The following MEX3B variants were observed in gnomAD, a reference collection of about 807,000 sequenced individuals.
MEX3B encodes the protein RNA-binding protein MEX3B.
MEX3B carries 10 observed loss-of-function variants against 12.2 expected under a neutral mutation model. That is an observed-to-expected ratio of 0.82 (90% CI 0.51 to 1.40). MEX3B has a LOEUF of 1.40. Among genes scored for constraint, MEX3B ranks in the 40% most tolerant of loss-of-function variants. The probability of loss-of-function intolerance (pLI) is 0.00; values close to 1 mark genes in which losing one functional copy is unlikely to be tolerated. For missense variants in MEX3B, 839 were observed against 801.4 expected (o/e 1.05, Z -0.57); for synonymous variants, 498 against 356.3 (o/e 1.40, Z -4.48).
At position 82,043,479 on chromosome 15, in the gene MEX3B, G is replaced by T; in HGVS notation, c.1391C>A (p.Pro464Gln). ...GGCGTAGGCCAGGCCTCCTCCACCC[G>T]GGTCGCTGCGCACCCGGCGAGCCAG... ...HHLARRVRSD[P>Q]GGGGLAYAAY... Residue 464 changes from proline (P) to glutamine (Q), a missense_variant, in exon 2 of 2, where the codon CCG becomes CAG. Pro to Gln is a moderately conservative substitution (Grantham distance 76). Around this residue, in one of 3 missense-constraint regions of MEX3B, gnomAD observed 573 missense variants for 488.9 expected, o/e 1.17. Coordinates refer to ENST00000329713, the MANE Select transcript of MEX3B (RefSeq NM_032246.6). The T allele has an allele frequency of 6.6e-7, 1 of 1,526,368 alleles. No individual in the cohort carries two copies. Among genetic ancestry groups the T allele is most frequent in the Middle Eastern group, 1.7e-4 (1 of 5,814 alleles). 94.6% of individuals were successfully genotyped at this position (1,526,368 alleles called of 1,614,324 possible).
chr15:82,044,747 G>T lies in MEX3B; in HGVS notation c.257-134C>A, dbSNP rs2073246002. The T allele has an allele frequency of 1.1e-6, 1 of 883,986 alleles. No individual in the cohort carries two copies. Among genetic ancestry groups the T allele is most frequent in the Non-Finnish European group, 1.8e-6 (1 of 567,370 alleles). The allele number at this position is 883,986 out of a possible 1,614,324, so 54.8% of individuals were successfully genotyped here. A position where few individuals can be genotyped will look rare whatever the true frequency, so the allele number is the denominator to read the frequency against. Reference sequence around the variant, plus strand: ...GCAGGACAAGAGATGGGCGGAAAGGGGGCGTCTCCCTCACTGACCTCGGGC... The same window carrying T: ...GCAGGACAAGAGATGGGCGGAAAGGTGGCGTCTCCCTCACTGACCTCGGGC... On this transcript the variant is annotated intron_variant, in intron 1 of 1. Coordinates refer to ENST00000329713, the MANE Select transcript of MEX3B (RefSeq NM_032246.6). This position sits in a 1 kb window ranked among gnomAD's most constrained non-coding sequence, Gnocchi z 5.3.
Position 82,043,340 on chromosome 15 carries a change from A to G in MEX3B, c.1530T>C (p.Leu510=). 6.2e-7 allele frequency: 1 copy of G among 1,600,540 alleles called. No individual in the cohort carries two copies. Among genetic ancestry groups the G allele is most frequent in the Non-Finnish European group, 8.5e-7 (1 of 1,173,250 alleles). The change falls in exon 2 of 2, where the codon CTT becomes CTC. Residue 510 remains leucine, a synonymous_variant. Transcript: ENST00000329713. ...SSSSSSSSSG[L]RRKGSRDCSV... ...AGCAGTCGCGGCTGCCTTTACGCCG[A>G]AGCCCGGAGGAAGAGGATGAAGAGC...
rs775627246 is a variant in MEX3B at position 82,043,742 on chromosome 15, G to A, written c.1128C>T (p.Ile376=). ...CCGGGGACCGCTCGAACTGGGCCCA[G>A]ATAAGTGGTGCCCCAGGTGGGGGAG... is the stretch of plus-strand genomic sequence containing the variant. The part of the protein sequence containing the change: ...APAPPPGAPL[I]WAQFERSPGG... The change falls in exon 2 of 2, where the codon ATC becomes ATT. Residue 376 remains isoleucine, a synonymous_variant. Transcript: ENST00000329713. 7 of 1,571,212 alleles carry A rather than the reference G, an allele frequency of 4.5e-6. No individual in the cohort carries two copies. The highest frequency in any genetic ancestry group is 6.0e-6 in the Non-Finnish European group (7 of 1,160,368).
rs1033918579 is a variant in MEX3B, at chr15:82,043,705, C to A, written c.1165G>T (p.Ala389Ser). 3.8e-6 allele frequency: 6 copies of A among 1,596,842 alleles called. No homozygotes were observed. Among genetic ancestry groups the A allele is most frequent in the Middle Eastern group, 1.7e-4 (1 of 5,980 alleles). The change falls in exon 2 of 2, where the codon GCA (alanine) becomes TCA (serine). Residue 389 changes from alanine to serine, a missense_variant. Ala to Ser is a moderately conservative substitution (Grantham distance 99, BLOSUM62 1). Coordinates refer to ENST00000329713, the MANE Select transcript of MEX3B (RefSeq NM_032246.6). Reference sequence around the variant, plus strand: ...GAGCAGGAAGAAGATACCGGAGCTGCAGGTCCGCCTCCCGGGGACCGCTCG... The same window carrying A: ...GAGCAGGAAGAAGATACCGGAGCTGAAGGTCCGCCTCCCGGGGACCGCTCG... ...QFERSPGGGP[A>S]APVSSSCSSS...
chr15:82,043,788 G>A lies in MEX3B; in HGVS notation c.1082C>T (p.Pro361Leu). ...GGGAGCGGGAGCCGGGTCAAAAGTG[G>A]GCTGCAGCTCGGGGCAGCCGTCGGG... ...PSPDGCPELQ[P>L]TFDPAPAPPP... The change falls in exon 2 of 2, where the codon CCC (proline) becomes CTC (leucine). Residue 361 changes from proline (P) to leucine (L), a missense_variant. By Grantham distance (98) the Pro-to-Leu change is moderately conservative (BLOSUM62 -3). Around this residue, in one of 3 missense-constraint regions of MEX3B, gnomAD observed 573 missense variants for 488.9 expected, o/e 1.17. Coordinates refer to ENST00000329713, the MANE Select transcript of MEX3B (RefSeq NM_032246.6). 1.3e-6 allele frequency: 2 copies of A among 1,580,990 alleles called. No individual in the cohort carries two copies. Among genetic ancestry groups the A allele is most frequent in the Non-Finnish European group, 1.7e-6 (2 of 1,164,268 alleles).
rs764828515 is a variant in MEX3B, at chr15:82,043,829, T to C, written c.1041A>G (p.Glu347=). 6.3e-7 allele frequency: 1 copy of C among 1,591,248 alleles called. No individual in the cohort carries two copies. Among genetic ancestry groups the C allele is most frequent in the Non-Finnish European group, 8.6e-7 (1 of 1,169,366 alleles). Residue 347 remains glutamate (E), a synonymous_variant, in exon 2 of 2, where the codon GAA becomes GAG. Transcript: ENST00000329713. ...AGCCGTCGGGGGATGGCACTGAGGC[T>C]TCTCCCCCCGCTGTGTAGGTGTACC... ...GNGYTYTAGG[E]ASVPSPDGCP... is the part of the protein sequence containing the mutation.
rs751168729 is a variant in MEX3B at position 82,043,152 on chromosome 15, C to G, written c.*8G>C. The stretch of plus-strand genomic sequence containing the variant: ...CAGCACGGTGCGCACTAGCAGCGCC[C>G]GCTGCCTTTAAGAAAAGATGCGGAT... On this transcript the variant is annotated 3_prime_UTR_variant, in exon 2 of 2. Transcript: ENST00000329713. 1 of 1,523,400 alleles carries G rather than the reference C, an allele frequency of 6.6e-7. No individual in the cohort carries two copies. The highest frequency in any genetic ancestry group is 8.8e-7 in the Non-Finnish European group (1 of 1,135,136). 94.4% of individuals were successfully genotyped at this position (1,523,400 alleles called of 1,614,324 possible). A position where few individuals can be genotyped will look rare whatever the true frequency, so the allele number is the denominator to read the frequency against.
In MEX3B at chr15:82,043,630, C is replaced by T; in HGVS notation, c.1240G>A (p.Gly414Ser). 6.2e-7 allele frequency: 1 copy of T among 1,605,742 alleles called. No homozygotes were observed. The highest frequency in any genetic ancestry group is 8.5e-7 in the Non-Finnish European group (1 of 1,176,334). ...GCGTTGGAGGGCGCACTGGCGCCAC[C>T]CCCGGGGAAGACCACGGAGGAGGAA... The part of the protein sequence containing the change: ...ASSSSVVFPG[G>S]GASAPSNANL... The change falls in exon 2 of 2, where the codon GGT becomes AGT. Residue 414 changes from glycine (G) to serine (S), a missense_variant. Transcript: ENST00000329713.
In MEX3B at chr15:82,045,454, C is replaced by A; in HGVS notation, c.252G>T (p.Arg84=). ...SSEHVAEIVG[R]QGCKIKALRA... ...CCCCATCCCTCCTCGACCTACCTTG[C>A]CGCCCCACGATCTCGGCGACATGCT... The change falls in exon 1 of 2, where the codon CGG becomes CGT. Residue 84 remains arginine, a synonymous_variant. Transcript: ENST00000329713. The A allele has an allele frequency of 6.4e-7, 1 of 1,559,968 alleles. No homozygotes were observed. Among genetic ancestry groups the A allele is most frequent in the Non-Finnish European group, 8.8e-7 (1 of 1,140,550 alleles).
At position 82,043,359 on chromosome 15, in the gene MEX3B, G is replaced by A; in HGVS notation, c.1511C>T (p.Ser504Leu). Residue 504 changes from serine to leucine, a missense_variant, in exon 2 of 2, where the codon TCA becomes TTA. By Grantham distance (145) the Ser-to-Leu change is moderately radical. Coordinates refer to ENST00000329713, the MANE Select transcript of MEX3B (RefSeq NM_032246.6). ...ACGCCGAAGCCCGGAGGAAGAGGAT[G>A]AAGAGCTGGAGGAGGAGCTGGACGA... Reference protein sequence around the residue: ...SSSSSSSSSSSSSSSGLRRKG... With the variant: ...SSSSSSSSSSLSSSSGLRRKG... 6.3e-7 allele frequency: 1 copy of A among 1,591,812 alleles called. No individual in the cohort carries two copies. The highest frequency in any genetic ancestry group is 1.1e-5 in the South Asian group (1 of 87,120).
In MEX3B at chr15:82,044,488, T is replaced by C; in HGVS notation, c.382A>G (p.Ile128Val). ...ATGGAGAAGTGCTCGGCAGCAGAGATGATCTCCCTCCGAGCCATGGCCACA... is the reference window on the plus strand; with the variant it reads ...ATGGAGAAGTGCTCGGCAGCAGAGACGATCTCCCTCCGAGCCATGGCCACA... ...EDVAMARREI[I>V]SAAEHFSMIR... The change falls in exon 2 of 2, where the codon ATC becomes GTC. Residue 128 changes from isoleucine to valine, a missense_variant. This residue lies in a region of MEX3B where 214 missense variants were observed against 223.8 expected (regional missense o/e 0.96). Transcript: ENST00000329713. This position sits in a 1 kb window ranked among gnomAD's most constrained non-coding sequence, Gnocchi z 5.3. 6.2e-7 allele frequency: 1 copy of C among 1,614,026 alleles called. No homozygotes were observed. The highest frequency in any genetic ancestry group is 1.1e-5 in the South Asian group (1 of 91,076).
chr15:82,044,510 C>A lies in MEX3B; in HGVS notation c.360G>T (p.Val120=). The A allele has an allele frequency of 5.6e-6, 9 of 1,614,190 alleles. No homozygotes were observed. Among genetic ancestry groups the A allele is most frequent in the Non-Finnish European group, 7.6e-6 (9 of 1,180,046 alleles). The change falls in exon 2 of 2, where the codon GTG becomes GTT. Residue 120 remains valine, a synonymous_variant. Transcript: ENST00000329713. The surrounding 1 kb of genome is among the most constrained non-coding windows in gnomAD (Gnocchi z 5.3). ...VFVVTGRKED[V]AMARREIISA... ...AGATGATCTCCCTCCGAGCCATGGC[C>A]ACATCCTCCTTCCTGCCCGTCACAA...
rs764545485 is a variant in MEX3B at position 82,043,465 on chromosome 15, G to A, written c.1405C>T (p.Leu469=). Residue 469 remains leucine, a synonymous_variant, in exon 2 of 2, where the codon CTG becomes TTG. Coordinates refer to ENST00000329713, the MANE Select transcript of MEX3B (RefSeq NM_032246.6). ...RVRSDPGGGG[L]AYAAYANGLG... is the part of the protein sequence containing the mutation. ...CCGTTGGCATAAGCGGCGTAGGCCA[G>A]GCCTCCTCCACCCGGGTCGCTGCGC... is the stretch of plus-strand genomic sequence containing the variant. 5 of 1,541,316 alleles carry A rather than the reference G, an allele frequency of 3.2e-6. No individual in the cohort carries two copies. The highest frequency in any genetic ancestry group is 1.2e-5 in the South Asian group (1 of 82,468).
rs1480675834 is a variant in MEX3B, at chr15:82,044,889, A to G, written c.257-276T>C. ...CCCGAACCAAACCCGAGAATCCCAG[A>G]AAAGTCATCTGGGGAGATGCCGCTG... On this transcript the variant is annotated intron_variant, in intron 1 of 1. Coordinates refer to ENST00000329713, the MANE Select transcript of MEX3B (RefSeq NM_032246.6). This position sits in a 1 kb window ranked among gnomAD's most constrained non-coding sequence, Gnocchi z 5.3. The G allele has an allele frequency of 8.6e-6, 5 of 581,594 alleles. No individual in the cohort carries two copies. The highest frequency in any genetic ancestry group is 3.7e-5 in the African/African-American group (2 of 53,428). 36.0% of individuals were successfully genotyped at this position (581,594 alleles called of 1,614,324 possible).
rs751823162 is a variant in MEX3B, at chr15:82,044,129, A to G, written c.741T>C (p.Asp247=). 2 of 1,613,642 alleles carry G rather than the reference A, an allele frequency of 1.2e-6. No individual in the cohort carries two copies. Among genetic ancestry groups the G allele is most frequent in the Non-Finnish European group, 1.7e-6 (2 of 1,180,020 alleles). ...ACCCATGATGCAGATCGAAGCCCAC[A>G]TCGGTGCCGTTGGCGTGGAAGTCGT... ...DENDFHANGT[D]VGFDLHHGSG... Residue 247 remains aspartate, a synonymous_variant, in exon 2 of 2, where the codon GAT becomes GAC. Transcript: ENST00000329713. This position sits in a 1 kb window ranked among gnomAD's most constrained non-coding sequence, Gnocchi z 5.3.
chr15:82,043,861 C>T lies in MEX3B; in HGVS notation c.1009G>A (p.Gly337Ser). The change falls in exon 2 of 2, where the codon GGC becomes AGC. Residue 337 changes from glycine to serine, a missense_variant. By Grantham distance (56) the Gly-to-Ser change is moderately conservative (BLOSUM62 0). Transcript: ENST00000329713. Reference sequence around the variant, plus strand: ...CCCGCTGTGTAGGTGTACCCATTGCCGTTATTGTTATTGTTTCCGTTGTGC... The same window carrying T: ...CCCGCTGTGTAGGTGTACCCATTGCTGTTATTGTTATTGTTTCCGTTGTGC... ...FAHNGNNNNN[G>S]NGYTYTAGGE... The T allele has an allele frequency of 6.3e-7, 1 of 1,591,402 alleles. No homozygotes were observed. Among genetic ancestry groups the T allele is most frequent in the East Asian group, 2.2e-5 (1 of 44,698 alleles).
At chr15:82,045,043 T>C (rs1416510802) in intron 1 of MEX3B, 3 of 591,128 alleles carry the variant, frequency 5.1e-6, no homozygotes, top group Non-Finnish European at 9.0e-6. Context: ...CGGGACCCAT[T>C]GTTCCTCCTC....
Position 82,044,628 on chromosome 15 carries a change from G to A in MEX3B, c.257-15C>T. Reference sequence around the variant, plus strand: ...GATTTTACAACCTACGAACCAGGGTGCGGAGGAGGGAGTGGGAGAGAGAGA... The same window carrying A: ...GATTTTACAACCTACGAACCAGGGTACGGAGGAGGGAGTGGGAGAGAGAGA... On this transcript the variant is annotated splice_polypyrimidine_tract_variant and intron_variant, in intron 1 of 1. Coordinates refer to ENST00000329713, the MANE Select transcript of MEX3B (RefSeq NM_032246.6). The surrounding 1 kb of genome is among the most constrained non-coding windows in gnomAD (Gnocchi z 5.3). 1 of 1,613,848 alleles carries A rather than the reference G, an allele frequency of 6.2e-7. No homozygotes were observed. The highest frequency in any genetic ancestry group is 8.5e-7 in the Non-Finnish European group (1 of 1,179,854).
rs2073245859 is a variant in MEX3B, at chr15:82,044,736, G to A, written c.257-123C>T. ...ACAGCGAGACGGCAGGACAAGAGAT[G>A]GGCGGAAAGGGGGCGTCTCCCTCAC... On this transcript the variant is annotated intron_variant, in intron 1 of 1. Coordinates refer to ENST00000329713, the MANE Select transcript of MEX3B (RefSeq NM_032246.6). This position sits in a 1 kb window ranked among gnomAD's most constrained non-coding sequence, Gnocchi z 5.3. The A allele has an allele frequency of 1.1e-6, 1 of 928,966 alleles. No homozygotes were observed. Among genetic ancestry groups the A allele is most frequent in the Admixed American group, 2.1e-5 (1 of 47,574 alleles). 57.5% of individuals were successfully genotyped at this position (928,966 alleles called of 1,614,324 possible). A position where few individuals can be genotyped will look rare whatever the true frequency, so the allele number is the denominator to read the frequency against.
Sources: gnomAD v4.1 joint callset for allele counts on GRCh38, gnomAD v4.1.1 for gene constraint, gnomAD v4.1.1 regional missense constraint, Gnocchi (gnomAD v3.1) non-coding constraint, MANE v1.5 for transcripts, NCBI Gene and HGNC (gene_info 2026-07-23, HGNC 2026-07-21) for gene names.